The following CAST variants were observed in gnomAD, a reference collection of about 807,000 sequenced individuals.
The protein encoded by CAST is calpastatin, also known as MIR583 host.
A neutral mutation model predicts 119.6 loss-of-function variants in CAST; 76 were observed. The ratio of observed to expected loss-of-function variants is 0.64; its 90% CI spans 0.53 to 0.77. CAST has a LOEUF of 0.77. Ranked by LOEUF, CAST falls within the 30% of genes least tolerant of loss-of-function variation. The probability of loss-of-function intolerance (pLI) is 0.00; values close to 1 mark genes in which losing one functional copy is unlikely to be tolerated. For missense variants in CAST, 953 were observed against 946.5 expected, an observed-to-expected ratio of 1.01 and a Z score of -0.09; for synonymous variants, 319 against 331.6, an observed-to-expected ratio of 0.96 and a Z score of 0.41.
At chr5:96,052,827 T>A in the CAST span, among the ~76,000 whole-genome samples, 1 of 152,360 alleles carries the variant, frequency 6.6e-6, no homozygotes, top group Admixed American at 6.5e-5. Context: ...GGTCAGGAAG[T>A]AGCTCTTGCT....
intron 1 of CAST, among the ~76,000 whole-genome samples, chr5:96,598,942 C>G (rs1747098853): frequency 6.6e-6 from 1 of 152,170 alleles, no homozygotes; most frequent in Non-Finnish European, 1.5e-5. Flanking sequence ...GGATCTTGAC[C>G]CTGCCAGCTT....
At chr5:96,717,014 CTTAAAGTA>C (rs1390152257) in intron 3 of CAST, among the ~76,000 whole-genome samples, 2 of 152,090 alleles carry the variant, frequency 1.3e-5, no homozygotes, top group Non-Finnish European at 2.9e-5. Flanking sequence ...TTAAAAAAAA[CTTAAAGTA>C]TTAAAACTGT....
At chr5:96,251,048 A>G in the CAST span, among the ~76,000 whole-genome samples, 2 of 152,306 alleles carry the variant, frequency 1.3e-5, no homozygotes, top group East Asian at 1.9e-4. Context: ...AGAAGCCCTT[A>G]CTTGGGCAAA....
the CAST span, chr5:96,318,811 G>C: frequency 3.9e-4 from 60 of 152,256 alleles, no homozygotes; most frequent in African/African-American, 1.4e-3. Context: ...GGAATATCTA[G>C]TAGTTTGGTT....
chr5:96,485,937 G>A, the CAST span, among the ~76,000 whole-genome samples: 1 of 152,086 alleles, frequency 6.6e-6, no homozygotes, highest in Admixed American at 6.5e-5. Context: ...CTTAGATTTT[G>A]TTGTATTTTT....
At chr5:96,075,596 C>T in the CAST span, among the ~76,000 whole-genome samples, 5 of 152,164 alleles carry the variant, frequency 3.3e-5, no homozygotes, top group Non-Finnish European at 7.3e-5. Context: ...AAAAGCAATT[C>T]TCATTCATCC....
the CAST span, among the ~76,000 whole-genome samples, chr5:96,119,926 G>A: frequency 1.3e-5 from 2 of 152,144 alleles, no homozygotes; most frequent in African/African-American, 2.4e-5. Flanking sequence ...CCAGGATTAT[G>A]TTTTTATCTA....
At chr5:96,594,351 G>A (rs1249580636) in intron 1 of CAST, among the ~76,000 whole-genome samples, 1 of 152,196 alleles carries the variant, frequency 6.6e-6, no homozygotes, top group Non-Finnish European at 1.5e-5. Flanking sequence ...TAGAGTGTTG[G>A]TAGAATGCAT....
chr5:96,128,254 A>G, the CAST span, among the ~76,000 whole-genome samples: 3 of 152,108 alleles, frequency 2.0e-5, no homozygotes, highest in African/African-American at 7.2e-5. Context: ...TGAGGAATAC[A>G]CAGAAGCATA....
the CAST span, among the ~76,000 whole-genome samples, chr5:96,362,828 C>G: frequency 6.6e-6 from 1 of 151,986 alleles, no homozygotes; most frequent in African/African-American, 2.4e-5. Context: ...TGCAGAAGCT[C>G]TTTAGTTTAA....
At chr5:96,066,020 A>G in the CAST span, among the ~76,000 whole-genome samples, 2 of 152,172 alleles carry the variant, frequency 1.3e-5, no homozygotes, top group Non-Finnish European at 2.9e-5. Flanking sequence ...ACAGACTAGA[A>G]CACTCCCATT....
intron 1 of CAST, among the ~76,000 whole-genome samples, chr5:96,603,788 T>TG (rs1294113684): frequency 8.9e-6 from 1 of 112,064 alleles, no homozygotes; most frequent in Non-Finnish European, 1.8e-5. Flanking sequence ...TTTTTTGAGA[T>TG]GGGGATTGCT....
chr5:96,315,020 TTTGA>T, the CAST span, among the ~76,000 whole-genome samples: 2 of 152,194 alleles, frequency 1.3e-5, no homozygotes, highest in Admixed American at 1.3e-4. Context: ...GATCATAAGA[TTTGA>T]TTGATCTCAG....
At chr5:96,762,005 T>G (rs1261999890) in intron 24 of CAST, 1 of 263,894 alleles carries the variant, frequency 3.8e-6, no homozygotes, top group African/African-American at 2.2e-5. Flanking sequence ...AGGAAATGTG[T>G]AAACAAACCG....
chr5:96,421,399 C>T, the CAST span, among the ~76,000 whole-genome samples: 1 of 72,318 alleles, frequency 1.4e-5, no homozygotes, highest in African/African-American at 1.2e-4. Flanking sequence ...AGAGGCATTT[C>T]TCTGTCTGGA....
At chr5:96,339,081 A>G in the CAST span, among the ~76,000 whole-genome samples, 1 of 152,176 alleles carries the variant, frequency 6.6e-6, no homozygotes, top group Non-Finnish European at 1.5e-5. Context: ...TGCTAACATA[A>G]TGAGGGGCCA....
intron 1 of CAST, among the ~76,000 whole-genome samples, chr5:96,619,521 C>T (rs73134535): frequency 0.027 from 4,105 of 152,278 alleles, 191 homozygotes; most frequent in African/African-American, 0.093. Context: ...CCTGCTGGGT[C>T]CTCTTCCACA....
chr5:96,674,901 A>G (rs1043183801), intron 1 of CAST, among the ~76,000 whole-genome samples: 2 of 152,220 alleles, frequency 1.3e-5, no homozygotes, highest in Non-Finnish European at 2.9e-5. Context: ...TGTATATTCA[A>G]AACATCACCT....
chr5:96,590,353 A>G (rs1746941181), intron 1 of CAST, among the ~76,000 whole-genome samples: 1 of 152,264 alleles, frequency 6.6e-6, no homozygotes, highest in African/African-American at 2.4e-5. Context: ...ATTCTTTATT[A>G]CAGAGTTTTC....
Sources: allele counts gnomAD v4.1 joint callset (sites outside exome capture counted in the v4.1 genomes callset), GRCh38; gene constraint gnomAD v4.1.1; transcripts MANE v1.5; gene names NCBI Gene and HGNC (gene_info 2026-07-23, HGNC 2026-07-21).